Variants in CDK14 observed in about 807,000 individuals in gnomAD.
CDK14 encodes cyclin-dependent kinase 14.
Under a neutral mutation model 60.7 loss-of-function variants are expected in CDK14, and 34 were observed. The ratio of observed to expected loss-of-function variants is 0.56; its 90% confidence interval spans 0.43 to 0.75. CDK14 has a LOEUF of 0.75. Among genes scored for constraint, CDK14 ranks in the 30% least tolerant of loss-of-function variants. CDK14 has a pLI of 0.00. For synonymous variants in CDK14, 197 were observed against 203.7 expected (o/e 0.97, Z 0.28); for missense variants, 482 against 564.1 (o/e 0.85, Z 1.47).
At chr7:90,697,726 A>T (rs1801690083) in intron 2 of CDK14, among the ~76,000 whole-genome samples, 1 of 152,194 alleles carries the variant, frequency 6.6e-6, no homozygotes. Context: ...ATATCTAAAT[A>T]GTATTAAAAG....
chr7:90,883,476 C>T (rs1791832800), intron 6 of CDK14, among the ~76,000 whole-genome samples: 1 of 152,106 alleles, frequency 6.6e-6, no homozygotes, highest in African/African-American at 2.4e-5. Context: ...AGCCCCGGAC[C>T]AGATGGATTC....
At chr7:91,097,428 A>G (rs1213447214) in intron 12 of CDK14, among the ~76,000 whole-genome samples, 2 of 152,178 alleles carry the variant, frequency 1.3e-5, no homozygotes, top group Non-Finnish European at 2.9e-5. Flanking sequence ...TAAAAAATAC[A>G]AAGAACTAAA....
At chr7:90,611,706 C>T (rs1467987220) in intron 2 of CDK14, among the ~76,000 whole-genome samples, 5 of 152,170 alleles carry the variant, frequency 3.3e-5, no homozygotes, top group African/African-American at 9.6e-5. Context: ...ACAAATTTGC[C>T]GATCCCCTGC....
chr7:90,694,655 C>T (rs1801620528), intron 2 of CDK14, among the ~76,000 whole-genome samples: 1 of 152,072 alleles, frequency 6.6e-6, no homozygotes, highest in Non-Finnish European at 1.5e-5. Context: ...GTAGTATTAA[C>T]ATTTAATATT....
chr7:90,972,889 A>G (rs1167234155), intron 9 of CDK14, among the ~76,000 whole-genome samples: 2 of 152,210 alleles, frequency 1.3e-5, no homozygotes, highest in African/African-American at 4.8e-5. Flanking sequence ...GAAGCTTGTT[A>G]GAAATGCAGG....
rs542612299 is a variant in CDK14, at chr7:90,709,795, A to G, written c.124-16772A>G. ...CTTTTTTTTTTTTGCTTGCTTATGC[A>G]TCCCCCTCTCTTGGTTGTAGTACGG... On this transcript the variant is annotated intron_variant, in intron 2 of 14. Transcript: ENST00000380050. 2.7e-4 allele frequency: 382 copies of G among 1,426,308 alleles called. 1 individual carries two copies. The African/African-American group carries it at 5.2e-3, about 19-fold the overall frequency. 88.4% of individuals were successfully genotyped at this position (1,426,308 alleles called of 1,614,324 possible).
At position 90,832,492 on chromosome 7, in the gene CDK14, G is replaced by GT. The variant is rs969899389; in HGVS notation, c.545-30674dup. Among the ~76,000 whole-genome samples, 134 of 151,290 alleles carry GT rather than the reference G, an allele frequency of 8.9e-4. 1 individual carries two copies. Among genetic ancestry groups the GT allele is most frequent in the African/African-American group, 5.3e-4 (22 of 41,242 alleles). On this transcript the variant is annotated intron_variant, in intron 5 of 14. Coordinates refer to ENST00000380050, the MANE Select transcript of CDK14 (RefSeq NM_001287135.2). ...CATGGAATTTACATTAGACAATTTAGTTTTTTTTTAAGCCACTTTACTTAA... is the reference window on the plus strand; with the variant it reads ...CATGGAATTTACATTAGACAATTTAGTTTTTTTTTTAAGCCACTTTACTTAA...
intron 10 of CDK14, among the ~76,000 whole-genome samples, chr7:91,043,470 G>A (rs949006873): frequency 6.6e-6 from 1 of 152,228 alleles, no homozygotes; most frequent in Admixed American, 6.5e-5. Flanking sequence ...ACAAAGTGGA[G>A]CATTTCCAGA....
At chr7:91,201,192 T>C (rs1422542353) in intron 14 of CDK14, among the ~76,000 whole-genome samples, 1 of 152,172 alleles carries the variant, frequency 6.6e-6, no homozygotes, top group Non-Finnish European at 1.5e-5. Context: ...ATTATAATTA[T>C]TTTTTTCTTG....
chr7:90,781,847 G>A (rs1202990362), intron 4 of CDK14, among the ~76,000 whole-genome samples: 1 of 152,292 alleles, frequency 6.6e-6, no homozygotes, highest in Non-Finnish European at 1.5e-5. Context: ...AAGTCAGGTA[G>A]CATGATGCCT....
At chr7:91,149,084 G>T (rs1163270048) in intron 14 of CDK14, among the ~76,000 whole-genome samples, 4 of 151,960 alleles carry the variant, frequency 2.6e-5, no homozygotes, top group Non-Finnish European at 5.9e-5. Context: ...GTTGAGAAAG[G>T]AATCATTGCA....
intron 2 of CDK14, among the ~76,000 whole-genome samples, chr7:90,675,790 A>G (rs1801186293): frequency 6.6e-6 from 1 of 152,224 alleles, no homozygotes; most frequent in Admixed American, 6.5e-5. Context: ...AAAACCTTTC[A>G]TGGCAACTAA....
chr7:91,194,480 A>T (rs370404978), intron 14 of CDK14, among the ~76,000 whole-genome samples: 2 of 152,106 alleles, frequency 1.3e-5, no homozygotes, highest in Non-Finnish European at 2.9e-5. Context: ...CTATTAAATT[A>T]TTCTAAAATA....
chr7:91,171,800 C>G (rs1047062675), intron 14 of CDK14, among the ~76,000 whole-genome samples: 1 of 152,134 alleles, frequency 6.6e-6, no homozygotes. Context: ...GGATGCACCA[C>G]CACACCCAGC....
intron 5 of CDK14, among the ~76,000 whole-genome samples, chr7:90,838,392 G>A (rs1025544172): frequency 5.3e-5 from 8 of 152,104 alleles, no homozygotes; most frequent in African/African-American, 1.9e-4. Flanking sequence ...TGAACAATAT[G>A]AAATCAGTGC....
At chr7:91,156,714 G>A (rs1215115624) in intron 14 of CDK14, among the ~76,000 whole-genome samples, 1 of 152,078 alleles carries the variant, frequency 6.6e-6, no homozygotes, top group African/African-American at 2.4e-5. Context: ...TGGCCATTTG[G>A]AGCATTTATG....
At chr7:90,773,068 GGTTTATTTTGAC>G (rs1370370382) in intron 4 of CDK14, among the ~76,000 whole-genome samples, 1 of 152,062 alleles carries the variant, frequency 6.6e-6, no homozygotes, top group Non-Finnish European at 1.5e-5. Context: ...AAAATATATT[GGTTTATTTTGAC>G]GTTTGTAAAG....
At chr7:90,830,051 T>C (rs2117107211) in intron 5 of CDK14, among the ~76,000 whole-genome samples, 1 of 152,212 alleles carries the variant, frequency 6.6e-6, no homozygotes, top group Middle Eastern at 3.4e-3. Context: ...CATTCTGGGG[T>C]CTGGAGAACA....
intron 5 of CDK14, among the ~76,000 whole-genome samples, chr7:90,834,421 G>A (rs1790022044): frequency 6.6e-6 from 1 of 152,186 alleles, no homozygotes; most frequent in African/African-American, 2.4e-5. Context: ...TGTGGAGACT[G>A]AGAGGGGAGT....
Sources: gnomAD v4.1 joint callset for allele counts (sites outside exome capture counted in the v4.1 genomes callset) on GRCh38, gnomAD v4.1.1 for gene constraint, MANE v1.5 for transcripts, NCBI Gene and HGNC (gene_info 2026-07-23, HGNC 2026-07-21) for gene names.